Variants in ATP13A1 observed in about 807,000 individuals in gnomAD.
The protein encoded by ATP13A1 is ATPase 13A1.
Under a neutral mutation model 134.8 loss-of-function variants are expected in ATP13A1, and 55 were observed. The ratio of observed to expected loss-of-function variants is 0.41; its 90% confidence interval spans 0.33 to 0.51. ATP13A1 has a LOEUF of 0.51. Ranked by LOEUF, ATP13A1 falls within the 20% of genes least tolerant of loss-of-function variation. The pLI is 0.29. For synonymous variants in ATP13A1, 775 were observed against 725.1 expected, an observed-to-expected ratio of 1.07 and a Z score of -1.10; for missense variants, 1,389 against 1,652.8, an observed-to-expected ratio of 0.84 and a Z score of 2.77.
intron 19 of ATP13A1, among the ~76,000 whole-genome samples, chr19:19,649,136 G>A (rs1204435421): frequency 6.6e-6 from 1 of 151,900 alleles, no homozygotes; most frequent in African/African-American, 2.4e-5. Context: ...AAAAAAGACA[G>A]GGTCTTGCAC....
At chr19:19,661,100 CAAAA>C (rs1210214444) in intron 1 of ATP13A1, among the ~76,000 whole-genome samples, 1 of 151,786 alleles carries the variant, frequency 6.6e-6, no homozygotes, top group African/African-American at 2.4e-5. Flanking sequence ...AACAAACAAA[CAAAA>C]AAACCCCAAA....
At position 19,653,867 on chromosome 19, in the gene ATP13A1, G is replaced by A. The variant is rs2062040055; in HGVS notation, c.2017C>T (p.His673Tyr). ...TCCCGGGAGATCTCGGTGTGGATGT[G>A]GTGGTAGTCGGGCGGGCACTGGGAG... ...MFSQCPPDYHHIHTEISREGA... is the reference protein window; with the variant it reads ...MFSQCPPDYHYIHTEISREGA... Residue 673 changes from histidine to tyrosine, a missense_variant, in exon 15 of 26, where the codon CAC (histidine) becomes TAC (tyrosine). This residue lies in a region of ATP13A1 where 747 missense variants were observed against 956.1 expected (regional missense o/e 0.78). Transcript: ENST00000357324. The surrounding 1 kb of genome is among the most constrained non-coding windows in gnomAD (Gnocchi z 4.2). 1.3e-6 allele frequency: 2 copies of A among 1,565,800 alleles called. No individual in the cohort carries two copies. Among genetic ancestry groups the A allele is most frequent in the Non-Finnish European group, 1.7e-6 (2 of 1,156,234 alleles).
At position 19,647,123 on chromosome 19, in the gene ATP13A1, G is replaced by T. The variant is rs776906844; in HGVS notation, c.3105+6C>A. 2 of 1,609,246 alleles carry T rather than the reference G, an allele frequency of 1.2e-6. No homozygotes were observed. The highest frequency in any genetic ancestry group is 2.7e-5 in the African/African-American group (2 of 74,860). The stretch of plus-strand genomic sequence containing the variant: ...TCCCTGGCCTTCCAGCACCTCTGGG[G>T]CCCACCTTGGAACGGGAGATGAAGA... On this transcript the variant is annotated splice_donor_region_variant and intron_variant, in intron 22 of 25. Coordinates refer to ENST00000357324, the MANE Select transcript of ATP13A1 (RefSeq NM_020410.3). This position sits in a 1 kb window ranked among gnomAD's most constrained non-coding sequence, Gnocchi z 4.8.
chr19:19,663,620 C>T lies in ATP13A1; in HGVS notation c.47G>A (p.Arg16Gln). The T allele has an allele frequency of 7.3e-6, 10 of 1,372,916 alleles. No individual in the cohort carries two copies. The highest frequency in any genetic ancestry group is 1.7e-5 in the South Asian group (1 of 59,198). 85.0% of individuals were successfully genotyped at this position (1,372,916 alleles called of 1,614,324 possible). The change falls in exon 1 of 26, where the codon CGG (arginine) becomes CAG (glutamine). Residue 16 changes from arginine (R) to glutamine (Q), a missense_variant. Coordinates refer to ENST00000357324, the MANE Select transcript of ATP13A1 (RefSeq NM_020410.3). The part of the protein sequence containing the change: ...AVGNAVPCGA[R>Q]PCGVRPDGQP... ...CCCGTCAGGCCGGACCCCGCAAGGC[C>T]GGGCCCCGCAGGGCACCGCGTTGCC...
rs777203593 is a variant in ATP13A1 at position 19,647,249 on chromosome 19, G to A, written c.2985C>T (p.Ala995=). ...CGCTCTGGCTGTAGGCCAGGATGAG[G>A]GCATTGAGCGCCAGGATCTTGAACA... ...LQMFKILALN[A]LILAYSQSVL... Residue 995 remains alanine, a synonymous_variant, in exon 22 of 26, where the codon GCC becomes GCT. Coordinates refer to ENST00000357324, the MANE Select transcript of ATP13A1 (RefSeq NM_020410.3). This position sits in a 1 kb window ranked among gnomAD's most constrained non-coding sequence, Gnocchi z 4.8. The A allele has an allele frequency of 1.2e-6, 2 of 1,613,912 alleles. No homozygotes were observed. The highest frequency in any genetic ancestry group is 1.1e-5 in the South Asian group (1 of 91,078).
At chr19:19,651,462 CATT>C (rs1278822539) in intron 17 of ATP13A1, 1 of 444,246 alleles carries the variant, frequency 2.3e-6, no homozygotes, top group Non-Finnish European at 4.0e-6. Context: ...ACTATCGCCT[CATT>C]ATGGTAAATA....
In ATP13A1 at chr19:19,655,170, G is replaced by A. The variant is rs1249353960; in HGVS notation, c.1604C>T (p.Thr535Met). The change falls in exon 12 of 26, where the codon ACG becomes ATG. Residue 535 changes from threonine to methionine, a missense_variant. Thr to Met is a moderately conservative substitution (Grantham distance 81). This residue lies in a region of ATP13A1 where 747 missense variants were observed against 956.1 expected (regional missense o/e 0.78). Transcript: ENST00000357324. The surrounding 1 kb of genome is among the most constrained non-coding windows in gnomAD (Gnocchi z 5.7). ...CAGGCTGTCACTGGTCAACGTCCCC[G>A]TCTTGTCAAAGCAGCACACCTCGAC... is the stretch of plus-strand genomic sequence containing the variant. ...GKVEVCCFDKTGTLTSDSLVV... is the reference protein window; with the variant it reads ...GKVEVCCFDKMGTLTSDSLVV... The A allele has an allele frequency of 3.7e-6, 6 of 1,613,874 alleles. No individual in the cohort carries two copies. The highest frequency in any genetic ancestry group is 1.3e-5 in the African/African-American group (1 of 74,930).
At chr19:19,654,826 C>T in intron 12 of ATP13A1, 126 bp from the exon 13 acceptor site, 2 of 1,193,212 alleles carry the variant, frequency 1.7e-6, no homozygotes, top group Non-Finnish European at 2.3e-6. Context: ...TGGGCGCCAA[C>T]TGGGTCTTTA....
In ATP13A1 at chr19:19,656,309, C is replaced by T; in HGVS notation, c.1084-126G>A. On this transcript the variant is annotated intron_variant, in intron 7 of 25. Transcript: ENST00000357324. This position sits in a 1 kb window ranked among gnomAD's most constrained non-coding sequence, Gnocchi z 4.6. ...GGGATCCCCACCCGACCAATACATC[C>T]CACCCAGCTCCCAGATCCTCACCCT... The T allele has an allele frequency of 1.1e-5, 14 of 1,304,422 alleles. No homozygotes were observed. The highest frequency in any genetic ancestry group is 1.5e-5 in the Non-Finnish European group (14 of 955,978). 80.8% of individuals were successfully genotyped at this position (1,304,422 alleles called of 1,614,324 possible).
At chr19:19,661,786 A>G (rs914169125) in intron 1 of ATP13A1, among the ~76,000 whole-genome samples, 1 of 152,214 alleles carries the variant, frequency 6.6e-6, no homozygotes, top group Non-Finnish European at 1.5e-5. Flanking sequence ...GGGGAGCACA[A>G]TGATGACCCG....
In ATP13A1 at chr19:19,655,071, C is replaced by T. The variant is rs1391084359; in HGVS notation, c.1655+48G>A. On this transcript the variant is annotated intron_variant, in intron 12 of 25. Coordinates refer to ENST00000357324, the MANE Select transcript of ATP13A1 (RefSeq NM_020410.3). The surrounding 1 kb of genome is among the most constrained non-coding windows in gnomAD (Gnocchi z 5.7). ...ATGGGCCACCTGTCTCTCGACTTCC[C>T]AGAAACCCCATCTGGGTGACCTTTG... 1.2e-6 allele frequency: 2 copies of T among 1,608,422 alleles called. No homozygotes were observed. The highest frequency in any genetic ancestry group is 1.3e-5 in the African/African-American group (1 of 74,862).
intron 4 of ATP13A1, 92 bp from the exon 5 acceptor site, chr19:19,657,241 G>A (rs2062065295): frequency 2.7e-6 from 4 of 1,490,524 alleles, no homozygotes; most frequent in African/African-American, 1.4e-5. Context: ...AGGGTGGGGA[G>A]AGGCTTCCAG....
rs1225871575 is a variant in ATP13A1, at chr19:19,655,412, C to T, written c.1438G>A (p.Glu480Lys). 1 of 1,613,974 alleles carries T rather than the reference C, an allele frequency of 6.2e-7. No homozygotes were observed. The highest frequency in any genetic ancestry group is 1.1e-5 in the South Asian group (1 of 91,084). The change falls in exon 11 of 26, where the codon GAG (glutamate) becomes AAG (lysine). Residue 480 changes from glutamate (E) to lysine (K), a missense_variant. By Grantham distance (56) the Glu-to-Lys change is moderately conservative. Transcript: ENST00000357324. The surrounding 1 kb of genome is among the most constrained non-coding windows in gnomAD (Gnocchi z 5.7). Reference sequence around the variant, plus strand: ...ACCGAGGTGAGGATCAGGGTGCACTCCAGAAACAGCTTGTAGCGGTTCCGG... The same window carrying T: ...ACCGAGGTGAGGATCAGGGTGCACTTCAGAAACAGCTTGTAGCGGTTCCGG... ...PSRNRYKLFLECTLILTSVVP... is the reference protein window; with the variant it reads ...PSRNRYKLFLKCTLILTSVVP...
At position 19,649,736 on chromosome 19, in the gene ATP13A1, C is replaced by T. The variant is rs764899591; in HGVS notation, c.2535+5G>A. ...TGCCCCTGACCCCTAGGGCTGTGCA[C>T]ATACCTTCTGCTTGGGAGCCACACG... On this transcript the variant is annotated splice_donor_5th_base_variant and intron_variant, in intron 18 of 25. Transcript: ENST00000357324. The T allele has an allele frequency of 3.7e-6, 6 of 1,605,570 alleles. No individual in the cohort carries two copies. The South Asian group carries it at 6.6e-5, about 18-fold the overall frequency.
At chr19:19,651,512 C>T (rs186627315) in intron 17 of ATP13A1, 177 bp downstream of exon 17, 545 of 501,484 alleles carry the variant, frequency 1.1e-3, no homozygotes, top group Non-Finnish European at 1.6e-3. Context: ...ACCTGCGACC[C>T]AGTGAACGCT....
chr19:19,654,230 TC>T, intron 13 of ATP13A1, 86 bp from the exon 14 acceptor site: 1 of 1,351,140 alleles, frequency 7.4e-7, no homozygotes, highest in Non-Finnish European at 1.0e-6. Flanking sequence ...CTCCCCCACC[TC>T]CCTCCTGCCT....
In ATP13A1 at chr19:19,655,483, C is replaced by T. The variant is rs912266114; in HGVS notation, c.1397-30G>A. 53 of 1,613,790 alleles carry T rather than the reference C, an allele frequency of 3.3e-5. No individual in the cohort carries two copies. The highest frequency in any genetic ancestry group is 4.1e-5 in the Non-Finnish European group (48 of 1,179,856). On this transcript the variant is annotated intron_variant, in intron 10 of 25. Transcript: ENST00000357324. This position sits in a 1 kb window ranked among gnomAD's most constrained non-coding sequence, Gnocchi z 5.7. ...GGAGACAGGGCCTGCCAACCTGGAGCCTCGGAGGGTGGGCGCAGGGGACCA... is the reference window on the plus strand; with the variant it reads ...GGAGACAGGGCCTGCCAACCTGGAGTCTCGGAGGGTGGGCGCAGGGGACCA...
rs1291805854 is a variant in ATP13A1 at position 19,646,303 on chromosome 19, G to A, written c.3150C>T (p.Phe1050=). ...TGACGGTGAGGATGGTGTACAGGTT[G>A]AAGATGTTGGGCAGGGGCCGTTCTC... ...LSRERPLPNI[F]NLYTILTVML... is the part of the protein sequence containing the mutation. Residue 1050 remains phenylalanine, a synonymous_variant, in exon 23 of 26, where the codon TTC becomes TTT. Coordinates refer to ENST00000357324, the MANE Select transcript of ATP13A1 (RefSeq NM_020410.3). 3 of 1,613,936 alleles carry A rather than the reference G, an allele frequency of 1.9e-6. No individual in the cohort carries two copies. Among genetic ancestry groups the A allele is most frequent in the Admixed American group, 1.7e-5 (1 of 60,020 alleles).
Position 19,659,675 on chromosome 19 carries a change from T to A in ATP13A1, c.603A>T (p.Ser201=). The change falls in exon 3 of 26, where the codon TCA becomes TCT. Residue 201 remains serine, a synonymous_variant. Transcript: ENST00000357324. ...GGAAGCCTCTGTTGCTCTGATAGTATGAGAAGGCGTTTCCCACAGGAAAGG... is the reference window on the plus strand; with the variant it reads ...GGAAGCCTCTGTTGCTCTGATAGTAAGAGAAGGCGTTTCCCACAGGAAAGG... The part of the protein sequence containing the change: ...PVAFPVGNAF[S]YYQSNRGFQE... The A allele has an allele frequency of 6.2e-7, 1 of 1,613,964 alleles. No homozygotes were observed. Among genetic ancestry groups the A allele is most frequent in the Non-Finnish European group, 8.5e-7 (1 of 1,179,894 alleles).
Sources: gnomAD v4.1 joint callset for allele counts (sites outside exome capture counted in the v4.1 genomes callset) on GRCh38, gnomAD v4.1.1 for gene constraint, gnomAD v4.1.1 regional missense constraint, Gnocchi (gnomAD v3.1) non-coding constraint, MANE v1.5 for transcripts, NCBI Gene and HGNC (gene_info 2026-07-23, HGNC 2026-07-21) for gene names.